PIKFYVE: variants seen among roughly 807,000 people sequenced by gnomAD.
PIKFYVE encodes 1-phosphatidylinositol 3-phosphate 5-kinase.
Under a neutral mutation model 257.9 loss-of-function variants are expected in PIKFYVE, and 122 were observed. The ratio of observed to expected loss-of-function variants is 0.47; its 90% CI spans 0.41 to 0.55. The LOEUF is 0.55. Ranked by LOEUF, PIKFYVE falls within the 20% of genes least tolerant of loss-of-function variation. PIKFYVE has a pLI of 0.00. For synonymous variants in PIKFYVE, 892 were observed against 868.9 expected (o/e 1.03, Z -0.47); for missense variants, 2,160 against 2,536.6 (o/e 0.85, Z 3.19).
At chr2:208,349,496 T>C (rs1053461340) in intron 35 of PIKFYVE, among the ~76,000 whole-genome samples, 14 of 149,780 alleles carry the variant, frequency 9.3e-5, no homozygotes, top group Middle Eastern at 3.3e-3. Context: ...AATTGTATTA[T>C]ATGTTAATTA....
intron 12 of PIKFYVE, among the ~76,000 whole-genome samples, chr2:208,308,858 C>T (rs1694650747): frequency 6.6e-6 from 1 of 152,154 alleles, no homozygotes; most frequent in African/African-American, 2.4e-5. Context: ...CAGGCTCCTG[C>T]CACCATGCCC....
At chr2:208,304,391 T>C in intron 11 of PIKFYVE, 73 bp downstream of exon 11, 1 of 1,540,656 alleles carries the variant, frequency 6.5e-7, no homozygotes, top group Non-Finnish European at 8.9e-7. Context: ...GATTATCTTG[T>C]TTGTTGAAAT....
At chr2:208,327,039 A>G (rs1021133554) in intron 20 of PIKFYVE, among the ~76,000 whole-genome samples, 1 of 152,174 alleles carries the variant, frequency 6.6e-6, no homozygotes, top group Non-Finnish European at 1.5e-5. Flanking sequence ...TAAAACGAGA[A>G]GATGTCCAAT....
At chr2:208,293,942 A>T (rs989122838) in intron 7 of PIKFYVE, among the ~76,000 whole-genome samples, 1 of 152,062 alleles carries the variant, frequency 6.6e-6, no homozygotes, top group African/African-American at 2.4e-5. Context: ...AGCTTCCTGG[A>T]CCTGTGGCTT....
At chr2:208,321,919 T>C (rs1404551739) in intron 17 of PIKFYVE, among the ~76,000 whole-genome samples, 4 of 152,222 alleles carry the variant, frequency 2.6e-5, no homozygotes, top group African/African-American at 9.6e-5. Context: ...ATTAGCATTA[T>C]GTTTGAGATC....
intron 2 of PIKFYVE, among the ~76,000 whole-genome samples, chr2:208,272,818 AGAG>A (rs886887656): frequency 3.0e-4 from 45 of 152,256 alleles, no homozygotes; most frequent in African/African-American, 1.0e-3. Flanking sequence ...ATTTTTTAGA[AGAG>A]TTTTAGATTT....
intron 7 of PIKFYVE, among the ~76,000 whole-genome samples, chr2:208,291,042 G>T (rs1482808829): frequency 6.6e-6 from 1 of 152,132 alleles, no homozygotes; most frequent in East Asian, 1.9e-4. Context: ...ATGTTGAAAA[G>T]GAGTAGTGAG....
chr2:208,326,376 G>C lies in PIKFYVE; in HGVS notation c.3565G>C (p.Glu1189Gln), dbSNP rs766940010. Residue 1189 changes from glutamate (E) to glutamine (Q), a missense_variant, in exon 20 of 42, where the codon GAG (glutamate) becomes CAG (glutamine). Physicochemically the swap from Glu to Gln is conservative, Grantham distance 29. Around this residue, in one of 12 missense-constraint regions of PIKFYVE, gnomAD observed 522 missense variants for 514.6 expected, o/e 1.01. Coordinates refer to ENST00000264380, the MANE Select transcript of PIKFYVE (RefSeq NM_015040.4). ...AAGTGGCCAATCAGGAAGCAAAAAT[G>C]AGGGTGATGAAGAGAGAGGGCTTAT... ...TSSGQSGSKN[E>Q]GDEERGLILS... 5.0e-6 allele frequency: 8 copies of C among 1,613,992 alleles called. No individual in the cohort carries two copies. The highest frequency in any genetic ancestry group is 6.8e-6 in the Non-Finnish European group (8 of 1,179,940).
At chr2:208,312,539 T>C (rs1464561041) in intron 13 of PIKFYVE, among the ~76,000 whole-genome samples, 1 of 152,236 alleles carries the variant, frequency 6.6e-6, no homozygotes, top group African/African-American at 2.4e-5. Context: ...TTAAAAACTT[T>C]TAAGTAGAAT....
chr2:208,302,574 C>A, intron 10 of PIKFYVE: 2 of 518,006 alleles, frequency 3.9e-6, no homozygotes, highest in East Asian at 3.6e-5. Flanking sequence ...TTTGATCAGA[C>A]AATAAAAAAG....
chr2:208,320,259 C>T lies in PIKFYVE; in HGVS notation c.2090C>T (p.Ser697Phe), dbSNP rs1396070087. 1 of 1,610,804 alleles carries T rather than the reference C, an allele frequency of 6.2e-7. No homozygotes were observed. Among genetic ancestry groups the T allele is most frequent in the Non-Finnish European group, 8.5e-7 (1 of 1,178,202 alleles). ...TKNIAHKKMS[S>F]CIKNPKILLL... ...ACTGTTCATTTTTTGTAGATGAGTT[C>T]TTGTATTAAAAACCCCAAAATTCTT... The change falls in exon 17 of 42, where the codon TCT (serine) becomes TTT (phenylalanine). Residue 697 changes from serine to phenylalanine, a missense_variant. Around this residue, in one of 12 missense-constraint regions of PIKFYVE, gnomAD observed 346 missense variants for 365.6 expected, o/e 0.95. Coordinates refer to ENST00000264380, the MANE Select transcript of PIKFYVE (RefSeq NM_015040.4).
intron 20 of PIKFYVE, among the ~76,000 whole-genome samples, chr2:208,326,754 T>G (rs1160555067): frequency 1.3e-5 from 2 of 152,168 alleles, no homozygotes; most frequent in Non-Finnish European, 2.9e-5. Flanking sequence ...TCCTGGATCC[T>G]TGTGTCAGGG....
chr2:208,305,281 C>T, intron 12 of PIKFYVE: 1 of 1,321,114 alleles, frequency 7.6e-7, no homozygotes, highest in Non-Finnish European at 9.7e-7. Flanking sequence ...GACTGCTCTT[C>T]CCATAATGTG....
chr2:208,304,043 GTTTATT>G, intron 10 of PIKFYVE, 122 bp from the exon 11 acceptor site: 4 of 1,208,738 alleles, frequency 3.3e-6, no homozygotes, highest in Non-Finnish European at 3.5e-6. Context: ...TTGTTAATTT[GTTTATT>G]TTTATAAAAT....
At chr2:208,336,268 C>T in intron 27 of PIKFYVE, 68 bp downstream of exon 27, 1 of 1,583,298 alleles carries the variant, frequency 6.3e-7, no homozygotes, top group South Asian at 1.1e-5. Context: ...TATCTTAAAA[C>T]TTAAAAATTT....
In PIKFYVE at chr2:208,326,112, A is replaced by C. The variant is rs1205452441; in HGVS notation, c.3301A>C (p.Arg1101=). The change falls in exon 20 of 42, where the codon AGG becomes CGG. Residue 1101 remains arginine, a synonymous_variant. Transcript: ENST00000264380. The part of the protein sequence containing the change: ...LNKEFKEMEN[R]RKKQLLRDLS... ...TAAAGAATTCAAAGAAATGGAGAAC[A>C]GGAGGAAGAAACAGCTGCTCAGGGA... The C allele has an allele frequency of 2.5e-6, 4 of 1,614,206 alleles. No homozygotes were observed. Among genetic ancestry groups the C allele is most frequent in the Non-Finnish European group, 3.4e-6 (4 of 1,180,032 alleles).
At chr2:208,320,198 G>T in intron 16 of PIKFYVE, 54 bp from the exon 17 acceptor site, 4 of 1,584,832 alleles carry the variant, frequency 2.5e-6, no homozygotes, top group Non-Finnish European at 3.4e-6. Flanking sequence ...AATTAAAGGA[G>T]GGCTGTAAAA....
rs373802805 is a variant in PIKFYVE at position 208,271,583 on chromosome 2, A to C, written c.64A>C (p.Thr22Pro). ...TGCTAATGATTTGCCTCGATCTCCT[A>C]CTAGTCCTTCTCATCTCACACACTT... ...DSANDLPRSP[T>P]SPSHLTHFKP... Residue 22 changes from threonine (T) to proline (P), a missense_variant, in exon 2 of 42, where the codon ACT (threonine) becomes CCT (proline). Coordinates refer to ENST00000264380, the MANE Select transcript of PIKFYVE (RefSeq NM_015040.4). The C allele has an allele frequency of 3.8e-5, 61 of 1,613,932 alleles. No individual in the cohort carries two copies. The highest frequency in any genetic ancestry group is 7.7e-5 in the South Asian group (7 of 91,084).
intron 23 of PIKFYVE, among the ~76,000 whole-genome samples, chr2:208,332,887 T>C (rs566477377): frequency 1.3e-5 from 2 of 152,218 alleles, no homozygotes; most frequent in South Asian, 4.1e-4. Flanking sequence ...CCTTTGAACT[T>C]TCTCATTCTT....
Sources: allele counts gnomAD v4.1 joint callset (sites outside exome capture counted in the v4.1 genomes callset), GRCh38; gene constraint gnomAD v4.1.1; regional missense constraint gnomAD v4.1.1; transcripts MANE v1.5; gene names NCBI Gene and HGNC (gene_info 2026-07-23, HGNC 2026-07-21).